Variants in MITF observed in about 807,000 individuals in gnomAD.
The protein encoded by MITF is melanocyte inducing transcription factor, also known as microphthalmia-associated transcription factor.
In MITF, 17 loss-of-function variants were observed where a neutral mutation model predicts 60.5. The observed-to-expected ratio is 0.28, with a 90% confidence interval of 0.19 to 0.42. MITF has a LOEUF of 0.42. Ranked by LOEUF, MITF falls within the 10% of genes least tolerant of loss-of-function variation. The probability of loss-of-function intolerance (pLI) is 1.00; values close to 1 mark genes in which losing one functional copy is unlikely to be tolerated. For missense variants in MITF, 622 were observed against 683.5 expected (o/e 0.91, Z 1.00); for synonymous variants, 260 against 248.5 (o/e 1.05, Z -0.43).
At chr3:69,944,876 T>C (rs2066055979) in intron 5 of MITF, among the ~76,000 whole-genome samples, 1 of 152,028 alleles carries the variant, frequency 6.6e-6, no homozygotes, top group Non-Finnish European at 1.5e-5. Flanking sequence ...ACAAAGCTAC[T>C]GCAACCTATT....
intron 1 of MITF, among the ~76,000 whole-genome samples, chr3:69,804,797 G>C (rs952843796): frequency 6.6e-6 from 1 of 152,232 alleles, no homozygotes; most frequent in Non-Finnish European, 1.5e-5. Flanking sequence ...AGATCTGGGA[G>C]TTGGCTGTCT....
At chr3:69,846,153 A>G (rs1559670180) in intron 1 of MITF, among the ~76,000 whole-genome samples, 1 of 150,114 alleles carries the variant, frequency 6.7e-6, no homozygotes, top group Non-Finnish European at 1.5e-5. Context: ...TTTTTTTAAC[A>G]GAGATCTAAA....
chr3:69,764,624 T>A (rs1464250015), intron 1 of MITF, among the ~76,000 whole-genome samples: 1 of 152,206 alleles, frequency 6.6e-6, no homozygotes, highest in African/African-American at 2.4e-5. Flanking sequence ...CACTCCTGAT[T>A]TTGCACTTTG....
At chr3:69,853,863 C>CTT (rs571942610) in intron 1 of MITF, among the ~76,000 whole-genome samples, 173 of 135,608 alleles carry the variant, frequency 1.3e-3, no homozygotes, top group African/African-American at 4.2e-3. Flanking sequence ...TCTCTTTCGT[C>CTT]TTTTTTTTTT....
At chr3:69,833,528 T>C (rs1160539014) in intron 1 of MITF, among the ~76,000 whole-genome samples, 3 of 152,068 alleles carry the variant, frequency 2.0e-5, no homozygotes, top group Non-Finnish European at 1.5e-5. Context: ...GTTTTTCTAT[T>C]TACACTGTAT....
intron 2 of MITF, among the ~76,000 whole-genome samples, chr3:69,891,414 C>CAGGG (rs1234709130): frequency 6.6e-6 from 1 of 152,138 alleles, no homozygotes; most frequent in African/African-American, 2.4e-5. Flanking sequence ...TTGTGTAACT[C>CAGGG]AGGGGTTCTC....
chr3:69,800,706 G>A (rs989036280), intron 1 of MITF, among the ~76,000 whole-genome samples: 3 of 151,866 alleles, frequency 2.0e-5, no homozygotes, highest in East Asian at 1.9e-4. Flanking sequence ...GTGACTCTTC[G>A]TGGCCTTAAT....
intron 1 of MITF, among the ~76,000 whole-genome samples, chr3:69,856,477 G>A (rs1299429896): frequency 6.6e-6 from 1 of 152,174 alleles, no homozygotes; most frequent in Non-Finnish European, 1.5e-5. Context: ...AGACATATTA[G>A]CATCAAACAG....
At chr3:69,750,330 A>G (rs1703883804) in intron 1 of MITF, among the ~76,000 whole-genome samples, 1 of 151,798 alleles carries the variant, frequency 6.6e-6, no homozygotes, top group Admixed American at 6.6e-5. Context: ...GTGCTACCAC[A>G]ACAGTAATAT....
chr3:69,746,085 A>G (rs1160118168), intron 1 of MITF, among the ~76,000 whole-genome samples: 1 of 152,188 alleles, frequency 6.6e-6, no homozygotes, highest in Non-Finnish European at 1.5e-5. Flanking sequence ...TACTATGCAG[A>G]TTCGTTTTGT....
intron 1 of MITF, among the ~76,000 whole-genome samples, chr3:69,740,479 T>G (rs1385132196): frequency 6.6e-6 from 1 of 152,108 alleles, no homozygotes; most frequent in East Asian, 1.9e-4. Context: ...CAGAAACTTT[T>G]TAGACGAGGA....
intron 5 of MITF, among the ~76,000 whole-genome samples, chr3:69,942,322 CTA>C (rs1230987757): frequency 1.3e-5 from 2 of 152,042 alleles, no homozygotes; most frequent in Non-Finnish European, 2.9e-5. Context: ...AAATTTTATC[CTA>C]TGTGTTTTTT....
intron 2 of MITF, among the ~76,000 whole-genome samples, chr3:69,935,521 T>C (rs1228875713): frequency 1.3e-5 from 2 of 149,890 alleles, no homozygotes; most frequent in African/African-American, 2.4e-5. Context: ...GGACCCTTTA[T>C]AAAAAAAAAA....
chr3:69,770,291 G>A (rs1457585720), intron 1 of MITF, among the ~76,000 whole-genome samples: 1 of 152,116 alleles, frequency 6.6e-6, no homozygotes, highest in Non-Finnish European at 1.5e-5. Flanking sequence ...TTTACCTAAA[G>A]GGAATGATTA....
At chr3:69,849,305 A>T (rs899695527) in intron 1 of MITF, among the ~76,000 whole-genome samples, 4 of 152,140 alleles carry the variant, frequency 2.6e-5, no homozygotes, top group African/African-American at 7.2e-5. Flanking sequence ...TCTATGAATG[A>T]AGCAGGATGG....
intron 1 of MITF, among the ~76,000 whole-genome samples, chr3:69,831,042 A>G (rs1433530811): frequency 6.6e-6 from 1 of 152,134 alleles, no homozygotes; most frequent in Non-Finnish European, 1.5e-5. Context: ...CTCATCTTGT[A>G]AAATAGGGAT....
chr3:69,965,012 G>T lies in MITF; in HGVS notation c.1345G>T (p.Asp449Tyr), dbSNP rs868519483. Residue 449 changes from aspartate (D) to tyrosine (Y), a missense_variant, in exon 10 of 10, where the codon GAT becomes TAT. Asp to Tyr is a radical substitution (Grantham distance 160). Coordinates refer to ENST00000352241, the MANE Select transcript of MITF (RefSeq NM_001354604.2). ...AGACCTAACCTGTACAACAACTCTC[G>T]ATCTCACGGATGGCACCATCACCTT... is the stretch of plus-strand genomic sequence containing the variant. ...HADLTCTTTL[D>Y]LTDGTITFNN... The T allele has an allele frequency of 6.2e-7, 1 of 1,613,890 alleles. No individual in the cohort carries two copies. Among genetic ancestry groups the T allele is most frequent in the Non-Finnish European group, 8.5e-7 (1 of 1,179,996 alleles).
intron 2 of MITF, among the ~76,000 whole-genome samples, chr3:69,893,066 C>T (rs1465234107): frequency 6.6e-6 from 1 of 152,140 alleles, no homozygotes; most frequent in Non-Finnish European, 1.5e-5. Context: ...CAAGTACAGC[C>T]TTAGGTGAGA....
At chr3:69,870,039 G>T (rs1175521932) in intron 1 of MITF, among the ~76,000 whole-genome samples, 3 of 151,422 alleles carry the variant, frequency 2.0e-5, no homozygotes, top group Admixed American at 2.0e-4. Context: ...GAGGATCTTT[G>T]TTCTTTCCTA....
Sources: gnomAD v4.1 joint callset for allele counts (sites outside exome capture counted in the v4.1 genomes callset) on GRCh38, gnomAD v4.1.1 for gene constraint, MANE v1.5 for transcripts, NCBI Gene and HGNC (gene_info 2026-07-23, HGNC 2026-07-21) for gene names.